Variants in MMP26 observed in about 807,000 individuals in gnomAD.
MMP26 encodes matrix metalloproteinase-26.
Under a neutral mutation model 31.0 loss-of-function variants are expected in MMP26, and 33 were observed. The ratio of observed to expected loss-of-function variants is 1.06; its 90% CI spans 0.81 to 1.42. The LOEUF (loss-of-function observed/expected upper bound fraction) is 1.42. Among genes scored for constraint, MMP26 ranks in the 40% most tolerant of loss-of-function variants. The pLI is 0.00. For missense variants in MMP26, 347 were observed against 316.1 expected, an observed-to-expected ratio of 1.10 and a Z score of -0.74; for synonymous variants, 122 against 114.9, an observed-to-expected ratio of 1.06 and a Z score of -0.40.
chr11:4,909,951 T>A (rs931403255), intron 2 of MMP26, among the ~76,000 whole-genome samples: 2 of 152,102 alleles, frequency 1.3e-5, no homozygotes, highest in Admixed American at 6.6e-5. Context: ...AACCTCGGTT[T>A]TTGGTGTATT....
intron 2 of MMP26, chr11:4,943,792 A>G (rs1162817041): frequency 7.2e-6 from 3 of 418,846 alleles, no homozygotes; most frequent in African/African-American, 6.2e-5. Flanking sequence ...CTGACCATAA[A>G]TCTTCACCTC....
Position 4,769,584 on chromosome 11 carries a change from T to C in MMP26, c.-145+2243T>C, listed in dbSNP as rs1052733071. The C allele has an allele frequency of 2.5e-6, 4 of 1,613,280 alleles. No individual in the cohort carries two copies. In the South Asian group the frequency reaches 3.3e-5, roughly 13 times the overall value. Reference sequence around the variant, plus strand: ...GTAGCCACCAGCACTCCAGATTCCATAAAAGTGAATCCATGAAGAAAAAAC... The same window carrying C: ...GTAGCCACCAGCACTCCAGATTCCACAAAAGTGAATCCATGAAGAAAAAAC... On this transcript the variant is annotated intron_variant, in intron 2 of 7. Transcript: ENST00000380390.
rs768124355 is a variant in MMP26, at chr11:4,849,085, C to T, written c.-145+81744C>T. The T allele has an allele frequency of 1.1e-5, 18 of 1,613,966 alleles. No individual in the cohort carries two copies. The East Asian group carries it at 3.6e-4, about 32-fold the overall frequency. On this transcript the variant is annotated intron_variant, in intron 2 of 7. Transcript: ENST00000380390. ...TTTCCCAGTGCAGAGAGAAGGTAGA[C>T]AGCAATGAGGGGCAATGTCCACCAG... is the stretch of plus-strand genomic sequence containing the variant.
chr11:4,755,599 T>C (rs1172374644), intron 1 of MMP26, among the ~76,000 whole-genome samples: 1 of 152,048 alleles, frequency 6.6e-6, no homozygotes, highest in Non-Finnish European at 1.5e-5. Context: ...TTAGCCCATG[T>C]ACAAAAGAGA....
At chr11:4,756,722 G>A (rs1848508572) in intron 1 of MMP26, 1 of 152,018 alleles carries the variant, frequency 6.6e-6, no homozygotes, top group Non-Finnish European at 1.5e-5. Context: ...TGCTATGTGA[G>A]GGGCAAATTT....
At chr11:4,811,151 T>C (rs544936150) in intron 2 of MMP26, among the ~76,000 whole-genome samples, 2 of 152,318 alleles carry the variant, frequency 1.3e-5, no homozygotes, top group African/African-American at 2.4e-5. Flanking sequence ...AGGCTGACAT[T>C]GTACATTGGA....
intron 2 of MMP26, among the ~76,000 whole-genome samples, chr11:4,961,943 A>T (rs1174880513): frequency 1.3e-5 from 2 of 152,226 alleles, no homozygotes; most frequent in Admixed American, 6.5e-5. Flanking sequence ...TAATATGGAA[A>T]TACATAGAAC....
At chr11:4,710,045 G>A (rs942603455) in intron 1 of MMP26, 1 of 456,600 alleles carries the variant, frequency 2.2e-6, no homozygotes, top group Non-Finnish European at 4.4e-6. Context: ...CAGCTCTAGT[G>A]CCTCTACTCC....
chr11:4,882,793 C>A (rs913006089), intron 2 of MMP26: 3 of 1,613,864 alleles, frequency 1.9e-6, no homozygotes, highest in East Asian at 4.5e-5. Flanking sequence ...GCTTGAAGAC[C>A]AAGACAATCC....
At chr11:4,725,000 A>G (rs1257458228) in intron 1 of MMP26, among the ~76,000 whole-genome samples, 2 of 152,208 alleles carry the variant, frequency 1.3e-5, no homozygotes, top group Non-Finnish European at 2.9e-5. Context: ...ACAGTTTCTC[A>G]TGGCTTAACA....
chr11:4,859,498 C>A, intron 2 of MMP26: 1 of 357,930 alleles, frequency 2.8e-6, no homozygotes, highest in South Asian at 2.1e-5. Context: ...GCCTTACCCA[C>A]TCCTGCATTT....
intron 2 of MMP26, chr11:4,908,040 T>C (rs1284425730): frequency 6.2e-7 from 1 of 1,614,076 alleles, no homozygotes; most frequent in Non-Finnish European, 8.5e-7. Context: ...TTGAAGACTA[T>C]ACTCAGCATT....
chr11:4,860,801 A>G (rs1163456850), intron 2 of MMP26, among the ~76,000 whole-genome samples: 2 of 152,106 alleles, frequency 1.3e-5, no homozygotes, highest in Non-Finnish European at 2.9e-5. Flanking sequence ...TATTTGAAAA[A>G]TGGGAACAAG....
In MMP26 at chr11:4,950,678, CA is replaced by C. The variant is rs200574217; in HGVS notation, c.-144-37381del. ...AAGAGTAAATTTCTAATGTTCTCAT[CA>C]AAAAAAAATATTATTATTATATATA... is the stretch of plus-strand genomic sequence containing the variant. On this transcript the variant is annotated intron_variant, in intron 2 of 7. Transcript: ENST00000380390. Among the ~76,000 whole-genome samples the C allele has an allele frequency of 1.4e-3, 58 of 41,846 alleles. 14 individuals carry two copies. Among genetic ancestry groups the C allele is most frequent in the South Asian group, 6.1e-3 (8 of 1,310 alleles). 27.5% of individuals were successfully genotyped at this position (41,846 alleles called of 152,430 possible).
chr11:4,831,438 A>G (rs2133480951), intron 2 of MMP26, among the ~76,000 whole-genome samples: 1 of 152,352 alleles, frequency 6.6e-6, no homozygotes, highest in Non-Finnish European at 1.5e-5. Flanking sequence ...TTCTGTGAAT[A>G]TCCAAAAAGT....
chr11:4,769,349 G>A (rs1848678425), intron 2 of MMP26: 1 of 1,613,484 alleles, frequency 6.2e-7, no homozygotes. Flanking sequence ...GTCTGAACAT[G>A]CTAATTGAAT....
chr11:4,842,172 G>GA (rs1376421815), intron 2 of MMP26, among the ~76,000 whole-genome samples: 2 of 152,188 alleles, frequency 1.3e-5, no homozygotes, highest in East Asian at 1.9e-4. Flanking sequence ...GGTATAAACA[G>GA]AAAAAAATAT....
chr11:4,925,680 C>T (rs963962564), intron 2 of MMP26, among the ~76,000 whole-genome samples: 3 of 150,382 alleles, frequency 2.0e-5, no homozygotes, highest in Non-Finnish European at 4.4e-5. Context: ...AATGTTAAAA[C>T]TAGAAAGGGG....
intron 1 of MMP26, among the ~76,000 whole-genome samples, chr11:4,739,812 T>G (rs541287799): frequency 1.3e-5 from 2 of 152,290 alleles, no homozygotes; most frequent in South Asian, 4.1e-4. Flanking sequence ...GGCTGCTCAG[T>G]TTTGAATCAG....
Sources: allele counts gnomAD v4.1 joint callset (sites outside exome capture counted in the v4.1 genomes callset), GRCh38; gene constraint gnomAD v4.1.1; transcripts MANE v1.5; gene names NCBI Gene and HGNC (gene_info 2026-07-23, HGNC 2026-07-21).